HS6ST3: variants seen among roughly 807,000 people sequenced by gnomAD.
HS6ST3 encodes heparan sulfate 6-O-sulfotransferase 3.
In HS6ST3, 12 loss-of-function variants were observed where a neutral mutation model predicts 36.7. That is an observed-to-expected ratio of 0.33 (90% confidence interval 0.21 to 0.53). The LOEUF (loss-of-function observed/expected upper bound fraction) is 0.53. HS6ST3 is among the 20% of genes least tolerant of loss of function. The pLI is 0.95. For missense variants in HS6ST3, 584 were observed against 640.9 expected (o/e 0.91, Z 0.96); for synonymous variants, 240 against 257.5 (o/e 0.93, Z 0.65).
At chr13:96,614,324 A>AAT (rs1938865335) in intron 1 of HS6ST3, among the ~76,000 whole-genome samples, 3 of 123,684 alleles carry the variant, frequency 2.4e-5, no homozygotes, top group Admixed American at 8.3e-5. Context: ...AAAAAAAAAA[A>AAT]AAAACAGTTA....
At chr13:96,698,022 T>C (rs931858308) in intron 1 of HS6ST3, among the ~76,000 whole-genome samples, 2 of 152,098 alleles carry the variant, frequency 1.3e-5, no homozygotes, top group Non-Finnish European at 2.9e-5. Context: ...AATATGTTTT[T>C]ATACTTTTAT....
intron 1 of HS6ST3, among the ~76,000 whole-genome samples, chr13:96,803,123 G>A (rs1258219957): frequency 6.6e-6 from 1 of 152,154 alleles, no homozygotes; most frequent in Non-Finnish European, 1.5e-5. Flanking sequence ...AGTTACCCAT[G>A]GGATACAATT....
chr13:96,480,513 A>C (rs1389989842), intron 1 of HS6ST3, among the ~76,000 whole-genome samples: 1 of 152,122 alleles, frequency 6.6e-6, no homozygotes, highest in Non-Finnish European at 1.5e-5. Context: ...GTTTGTGTGC[A>C]ACATTACTGG....
chr13:96,317,348 A>ATATATATAAT (rs2054977104), intron 1 of HS6ST3, among the ~76,000 whole-genome samples: 1 of 30,454 alleles, frequency 3.3e-5, no homozygotes, highest in Non-Finnish European at 6.3e-5. Flanking sequence ...ATATATATAT[A>ATATATATAAT]TATATATATA....
At chr13:96,648,450 C>T (rs2056596284) in intron 1 of HS6ST3, among the ~76,000 whole-genome samples, 1 of 150,768 alleles carries the variant, frequency 6.6e-6, no homozygotes, top group Admixed American at 6.6e-5. Flanking sequence ...CATGAGTTTA[C>T]CTTCAGTTCA....
At chr13:96,096,668 C>A (rs2053792702) in intron 1 of HS6ST3, among the ~76,000 whole-genome samples, 1 of 152,174 alleles carries the variant, frequency 6.6e-6, no homozygotes, top group Non-Finnish European at 1.5e-5. Context: ...AGGTCGTCTG[C>A]TTCTTAATAA....
At chr13:96,202,387 G>A (rs1177727665) in intron 1 of HS6ST3, among the ~76,000 whole-genome samples, 7 of 152,068 alleles carry the variant, frequency 4.6e-5, no homozygotes, top group Non-Finnish European at 2.9e-5. Context: ...ATGTAACTGC[G>A]CTGATTTCAT....
Position 96,443,060 on chromosome 13 carries a change from A to T in HS6ST3, c.707+351491A>T, listed in dbSNP as rs954201453. Reference sequence around the variant, plus strand: ...AGAAAGGAAAAATATACAAGAAAACATCATTTAAAATAGCAGACTAAAATG... The same window carrying T: ...AGAAAGGAAAAATATACAAGAAAACTTCATTTAAAATAGCAGACTAAAATG... On this transcript the variant is annotated intron_variant, in intron 1 of 1. Transcript: ENST00000376705. 8.5e-5 allele frequency among the ~76,000 whole-genome samples: 13 copies of T among 152,124 alleles called. No homozygotes were observed. The East Asian group carries it at 2.5e-3, about 29-fold the overall frequency.
intron 1 of HS6ST3, among the ~76,000 whole-genome samples, chr13:96,492,666 C>G (rs1445558884): frequency 6.6e-6 from 1 of 152,170 alleles, no homozygotes; most frequent in African/African-American, 2.4e-5. Context: ...TTGAGGGTAT[C>G]TATCTGAGTT....
intron 1 of HS6ST3, among the ~76,000 whole-genome samples, chr13:96,786,997 G>T (rs1187724096): frequency 1.3e-5 from 2 of 152,112 alleles, no homozygotes. Context: ...CATTTGAAAT[G>T]ACCTTTTTTC....
At chr13:96,489,487 T>G (rs141948273) in intron 1 of HS6ST3, among the ~76,000 whole-genome samples, 140 of 152,206 alleles carry the variant, frequency 9.2e-4, no homozygotes, top group Non-Finnish European at 1.8e-3. Flanking sequence ...GAATTAAATT[T>G]TATGCTTAGA....
At chr13:96,143,169 C>G (rs2054040301) in intron 1 of HS6ST3, among the ~76,000 whole-genome samples, 1 of 151,870 alleles carries the variant, frequency 6.6e-6, no homozygotes, top group Non-Finnish European at 1.5e-5. Context: ...TAGCAGCCAT[C>G]AAATGCCTCA....
chr13:96,334,541 A>G, intron 1 of HS6ST3, among the ~76,000 whole-genome samples: 1 of 152,238 alleles, frequency 6.6e-6, no homozygotes, highest in East Asian at 1.9e-4. Context: ...AGAAAAAGAG[A>G]TTTAATGAAC....
At chr13:96,611,543 T>A (rs1341524232) in intron 1 of HS6ST3, among the ~76,000 whole-genome samples, 1 of 152,008 alleles carries the variant, frequency 6.6e-6, no homozygotes, top group African/African-American at 2.4e-5. Flanking sequence ...AATGAGAAAA[T>A]GAGCAACTAT....
intron 1 of HS6ST3, among the ~76,000 whole-genome samples, chr13:96,274,932 A>G (rs1252290248): frequency 3.3e-5 from 5 of 150,320 alleles, no homozygotes; most frequent in African/African-American, 4.9e-5. Context: ...CCTGCCTTCA[A>G]GGTTAGATAG....
chr13:96,834,139 G>A lies in HS6ST3; in HGVS notation c.*941G>A, dbSNP rs1202776721. 6.6e-6 allele frequency: 1 copy of A among 152,162 alleles called. No homozygotes were observed. Among genetic ancestry groups the A allele is most frequent in the African/African-American group, 2.4e-5 (1 of 41,438 alleles). 9.4% of individuals were successfully genotyped at this position (152,162 alleles called of 1,614,324 possible). A position where few individuals can be genotyped will look rare whatever the true frequency, so the allele number is the denominator to read the frequency against. On this transcript the variant is annotated 3_prime_UTR_variant, in exon 2 of 2. Transcript: ENST00000376705. ...AGTTTAATCTTTTTGGAGAAGTTAT[G>A]TTCTTTAATCGGGTACTACCAGTCT...
At chr13:96,487,262 C>T (rs1048949810) in intron 1 of HS6ST3, among the ~76,000 whole-genome samples, 2 of 151,882 alleles carry the variant, frequency 1.3e-5, no homozygotes, top group African/African-American at 4.8e-5. Context: ...TCTAATAGTG[C>T]AATGTTATTT....
intron 1 of HS6ST3, among the ~76,000 whole-genome samples, chr13:96,820,453 T>C (rs1878508784): frequency 6.6e-6 from 1 of 152,140 alleles, no homozygotes; most frequent in Non-Finnish European, 1.5e-5. Flanking sequence ...CTAATAATCA[T>C]GGAGAAGGGA....
chr13:96,574,123 A>T (rs1030488053), intron 1 of HS6ST3: 3 of 538,250 alleles, frequency 5.6e-6, no homozygotes, highest in Non-Finnish European at 1.1e-5. Flanking sequence ...GTCTCAGGGA[A>T]TACGTTAGCC....
Sources: allele counts gnomAD v4.1 joint callset (sites outside exome capture counted in the v4.1 genomes callset), GRCh38; gene constraint gnomAD v4.1.1; transcripts MANE v1.5; gene names NCBI Gene and HGNC (gene_info 2026-07-23, HGNC 2026-07-21).